WWOX: variants seen among roughly 807,000 people sequenced by gnomAD.
WWOX encodes the protein WW domain containing oxidoreductase, also known as WW domain-containing oxidoreductase.
In WWOX, 69 loss-of-function variants were observed where a neutral mutation model predicts 46.2. The observed-to-expected ratio is 1.49, with a 90% CI of 1.23 to 1.82. The LOEUF (loss-of-function observed/expected upper bound fraction) is 1.82. Among genes scored for constraint, WWOX ranks in the 40% most tolerant of loss-of-function variants. The pLI is 0.00. For synonymous variants in WWOX, 359 were observed against 202.6 expected, an observed-to-expected ratio of 1.77 and a Z score of -6.56; for missense variants, 919 against 542.6, an observed-to-expected ratio of 1.69 and a Z score of -6.89.
intron 8 of WWOX, among the ~76,000 whole-genome samples, chr16:78,667,795 T>C (rs191700425): frequency 2.6e-5 from 4 of 152,232 alleles, no homozygotes; most frequent in Non-Finnish European, 5.9e-5. Flanking sequence ...TCTGTCTTTC[T>C]CTCGCATCAG....
chr16:78,972,494 C>A (rs1049581978), intron 8 of WWOX, among the ~76,000 whole-genome samples: 1 of 151,344 alleles, frequency 6.6e-6, no homozygotes, highest in Non-Finnish European at 1.5e-5. Context: ...ATAAAAGAAC[C>A]TGAAGCCGCC....
chr16:78,775,681 C>T lies in WWOX; in HGVS notation c.1056+342929C>T, dbSNP rs528174235. 4.6e-5 allele frequency among the ~76,000 whole-genome samples: 7 copies of T among 152,212 alleles called. No homozygotes were observed. The East Asian group carries it at 5.8e-4, about 13-fold the overall frequency. ...GGACAGGAGCCTTAGTAATATGGTG[C>T]GAGCAATGGTTCACATAGGGGACAG... On this transcript the variant is annotated intron_variant, in intron 8 of 8. Transcript: ENST00000566780.
chr16:79,121,165 G>A (rs1057105213), intron 8 of WWOX, among the ~76,000 whole-genome samples: 4 of 152,142 alleles, frequency 2.6e-5, no homozygotes, highest in African/African-American at 9.7e-5. Flanking sequence ...TCACACCTGC[G>A]TATACCCTGT....
intron 8 of WWOX, among the ~76,000 whole-genome samples, chr16:78,865,586 G>T (rs12448253): frequency 0.28 from 41,939 of 152,072 alleles, 6,298 homozygotes; most frequent in Middle Eastern, 0.45. Flanking sequence ...GCAAGGAATT[G>T]TGTGTGGCCG....
At chr16:78,239,086 C>A (rs768942528) in intron 5 of WWOX, among the ~76,000 whole-genome samples, 11 of 152,186 alleles carry the variant, frequency 7.2e-5, no homozygotes, top group Admixed American at 1.3e-4. Context: ...GGATTCTCAG[C>A]TGTTGTGTGT....
intron 8 of WWOX, among the ~76,000 whole-genome samples, chr16:79,191,625 A>T (rs1036764143): frequency 6.6e-6 from 1 of 152,196 alleles, no homozygotes; most frequent in African/African-American, 2.4e-5. Context: ...GAAGGTTTCT[A>T]TCAAATCCTA....
chr16:78,317,817 C>A (rs907851588), intron 5 of WWOX, among the ~76,000 whole-genome samples: 4 of 152,134 alleles, frequency 2.6e-5, no homozygotes, highest in Admixed American at 6.5e-5. Context: ...CTTGGTGGAA[C>A]CATGAGGAAA....
intron 5 of WWOX, among the ~76,000 whole-genome samples, chr16:78,218,255 T>TTA (rs1011767521): frequency 5.3e-5 from 8 of 151,832 alleles, no homozygotes; most frequent in Non-Finnish European, 7.4e-5. Context: ...GCATGTGTGT[T>TTA]TATATATATA....
At chr16:78,997,828 C>T (rs962392488) in intron 8 of WWOX, among the ~76,000 whole-genome samples, 1 of 152,090 alleles carries the variant, frequency 6.6e-6, no homozygotes, top group East Asian at 1.9e-4. Flanking sequence ...TTCACGCTGC[C>T]TTCCCGGGAA....
At chr16:79,011,810 A>G (rs904458159) in intron 8 of WWOX, among the ~76,000 whole-genome samples, 4 of 151,962 alleles carry the variant, frequency 2.6e-5, no homozygotes, top group Non-Finnish European at 4.4e-5. Context: ...TTAAAAAACA[A>G]AAAAACAAAA....
chr16:78,764,310 T>G (rs1171047565), intron 8 of WWOX, among the ~76,000 whole-genome samples: 3 of 151,704 alleles, frequency 2.0e-5, no homozygotes, highest in Admixed American at 6.6e-5. Context: ...GTATGGCCTT[T>G]TGGTCAGCAT....
At chr16:79,042,653 A>G (rs957541542) in intron 8 of WWOX, among the ~76,000 whole-genome samples, 1 of 152,114 alleles carries the variant, frequency 6.6e-6, no homozygotes, top group Non-Finnish European at 1.5e-5. Context: ...TCATACGCAT[A>G]CAGTGCCAGT....
chr16:78,213,427 A>G (rs1036363016), intron 5 of WWOX, among the ~76,000 whole-genome samples: 2 of 151,736 alleles, frequency 1.3e-5, no homozygotes, highest in Non-Finnish European at 2.9e-5. Context: ...AAGCAAGGCA[A>G]TGGTCATGCC....
intron 8 of WWOX, among the ~76,000 whole-genome samples, chr16:79,011,323 A>G (rs1323567218): frequency 6.6e-6 from 1 of 151,684 alleles, no homozygotes; most frequent in East Asian, 1.9e-4. Context: ...GTATTATCTA[A>G]TATGCCCTCT....
At chr16:78,472,535 A>G (rs9931931) in intron 8 of WWOX, among the ~76,000 whole-genome samples, 51,500 of 152,042 alleles carry the variant, frequency 0.34, 11,871 homozygotes, top group African/African-American at 0.66. Flanking sequence ...TGAGCCGGGC[A>G]CAGTGGCTCA....
chr16:79,170,704 T>C (rs950645003), intron 8 of WWOX, among the ~76,000 whole-genome samples: 1 of 152,184 alleles, frequency 6.6e-6, no homozygotes, highest in Non-Finnish European at 1.5e-5. Context: ...CTTTAAGATG[T>C]TGCAAGCTCA....
At chr16:78,540,268 C>T (rs1165986628) in intron 8 of WWOX, among the ~76,000 whole-genome samples, 2 of 151,914 alleles carry the variant, frequency 1.3e-5, no homozygotes, top group African/African-American at 4.8e-5. Context: ...ATCAAGAACC[C>T]AGGTGCTTTT....
At chr16:78,851,254 A>G (rs76681150) in intron 8 of WWOX, among the ~76,000 whole-genome samples, 6,318 of 152,278 alleles carry the variant, frequency 0.041, 415 homozygotes, top group African/African-American at 0.14. Context: ...ACTGATGTGT[A>G]AACCCAGGGT....
chr16:78,831,917 C>T (rs996463073), intron 8 of WWOX, among the ~76,000 whole-genome samples: 1 of 152,154 alleles, frequency 6.6e-6, no homozygotes, highest in African/African-American at 2.4e-5. Flanking sequence ...TTCTCAAATA[C>T]CCTTCCTCTT....
Sources: gnomAD v4.1 joint callset for allele counts (sites outside exome capture counted in the v4.1 genomes callset) on GRCh38, gnomAD v4.1.1 for gene constraint, MANE v1.5 for transcripts, NCBI Gene and HGNC (gene_info 2026-07-23, HGNC 2026-07-21) for gene names.